Variants in MFSD2B observed in about 807,000 individuals in gnomAD.
MFSD2B encodes MFSD2 lysolipid transporter B, sphingolipid.
MFSD2B carries 56 observed loss-of-function variants against 58.4 expected under a neutral mutation model. That is an observed-to-expected ratio of 0.96 (90% CI 0.77 to 1.20). The LOEUF (loss-of-function observed/expected upper bound fraction) is 1.20, where lower values mean the gene tolerates loss of function less well. Among genes scored for constraint, MFSD2B ranks in the 50% most tolerant of loss-of-function variants. MFSD2B has a pLI of 0.00. For synonymous variants in MFSD2B, 287 were observed against 294.4 expected (o/e 0.97, Z 0.26); for missense variants, 645 against 667.6 (o/e 0.97, Z 0.37).
intron 2 of MFSD2B, among the ~76,000 whole-genome samples, chr2:24,014,743 T>G (rs1421910409): frequency 6.6e-6 from 1 of 152,162 alleles, no homozygotes; most frequent in African/African-American, 2.4e-5. Flanking sequence ...GAGAAAATTC[T>G]AGAAGGATAT....
At position 24,012,891 on chromosome 2, in the gene MFSD2B, A is replaced by C. The variant is rs949428556; in HGVS notation, c.97-394A>C. The C allele has an allele frequency of 3.1e-5, 5 of 161,392 alleles. No homozygotes were observed. Among genetic ancestry groups the C allele is most frequent in the African/African-American group, 1.2e-4 (5 of 41,814 alleles). The allele number at this position is 161,392 out of a possible 1,614,324, so 10.0% of individuals were successfully genotyped here. On this transcript the variant is annotated intron_variant, in intron 1 of 13. Coordinates refer to ENST00000338315, the MANE Select transcript of MFSD2B (RefSeq NM_001346880.2). This position sits in a 1 kb window ranked among gnomAD's most constrained non-coding sequence, Gnocchi z 4.5. Reference sequence around the variant, plus strand: ...GAAGTTGGCAGGGATGTTGCATTTGACAGATGAGGAAAACAGGCTTAGAGA... The same window carrying C: ...GAAGTTGGCAGGGATGTTGCATTTGCCAGATGAGGAAAACAGGCTTAGAGA...
chr2:24,011,169 G>C (rs1708942900), intron 1 of MFSD2B, among the ~76,000 whole-genome samples: 1 of 152,186 alleles, frequency 6.6e-6, no homozygotes, highest in Admixed American at 6.5e-5. Context: ...CCCCTCCCAA[G>C]GGGCTTCTCC....
chr2:24,013,059 C>A (rs1020645254), intron 1 of MFSD2B: 8 of 389,074 alleles, frequency 2.1e-5, no homozygotes, highest in Non-Finnish European at 3.6e-5. Flanking sequence ...GGTAAGATGT[C>A]CAGAAGAACT....
rs1238270510 is a variant in MFSD2B, at chr2:24,023,684, T to A, written c.1271T>A (p.Leu424Gln). The A allele has an allele frequency of 6.2e-7, 1 of 1,613,966 alleles. No homozygotes were observed. The highest frequency in any genetic ancestry group is 1.7e-5 in the Admixed American group (1 of 60,018). Reference sequence around the variant, plus strand: ...TCCTCCTACGTCTTCTTCACCAAGCTGTCTGGCGCATGTGCCCTGGGCATC... The same window carrying A: ...TCCTCCTACGTCTTCTTCACCAAGCAGTCTGGCGCATGTGCCCTGGGCATC... ...FYSSYVFFTK[L>Q]SGACALGIST... The change falls in exon 12 of 14, where the codon CTG (leucine) becomes CAG (glutamine). Residue 424 changes from leucine to glutamine, a missense_variant. By Grantham distance (113) the Leu-to-Gln change is moderately radical (BLOSUM62 -2). Transcript: ENST00000338315. This position sits in a 1 kb window ranked among gnomAD's most constrained non-coding sequence, Gnocchi z 5.0.
rs1050806830 is a variant in MFSD2B at position 24,023,837 on chromosome 2, G to A, written c.1313+111G>A. The A allele has an allele frequency of 1.6e-5, 21 of 1,334,170 alleles. No individual in the cohort carries two copies. The highest frequency in any genetic ancestry group is 6.1e-5 in the Admixed American group (3 of 49,560). 82.6% of individuals were successfully genotyped at this position (1,334,170 alleles called of 1,614,324 possible). The stretch of plus-strand genomic sequence containing the variant: ...GCATCCATGAGCCTGGGGCCTAAGC[G>A]CTACTCTTTGGAGAGTGTGGGGAAC... On this transcript the variant is annotated intron_variant, in intron 12 of 13. Transcript: ENST00000338315. This position sits in a 1 kb window ranked among gnomAD's most constrained non-coding sequence, Gnocchi z 5.0.
In MFSD2B at chr2:24,017,340, G is replaced by A; in HGVS notation, c.526G>A (p.Glu176Lys). ...CATGCTGCTGACTCCCTGCCCAAGG[G>A]AGCGGGACTCGGCCACCGCCTACCG... ...LTMLLTPCPR[E>K]RDSATAYRMT... The change falls in exon 5 of 14, where the codon GAG becomes AAG. Residue 176 changes from glutamate (E) to lysine (K), a missense_variant. Transcript: ENST00000338315. This position sits in a 1 kb window ranked among gnomAD's most constrained non-coding sequence, Gnocchi z 4.8. The A allele has an allele frequency of 1.9e-6, 3 of 1,606,682 alleles. No individual in the cohort carries two copies. Among genetic ancestry groups the A allele is most frequent in the Non-Finnish European group, 1.7e-6 (2 of 1,177,156 alleles).
intron 6 of MFSD2B, among the ~76,000 whole-genome samples, chr2:24,019,686 G>A (rs1032083521): frequency 1.3e-5 from 2 of 152,172 alleles, no homozygotes; most frequent in African/African-American, 4.8e-5. Context: ...TCACGCCATT[G>A]CACTCCAGCC....
intron 6 of MFSD2B, among the ~76,000 whole-genome samples, chr2:24,019,278 C>T (rs2150940652): frequency 6.6e-6 from 1 of 152,294 alleles, no homozygotes; most frequent in African/African-American, 2.4e-5. Flanking sequence ...TCCTCAGGCC[C>T]TACCTCAGTC....
chr2:24,024,443 AC>A lies in MFSD2B; in HGVS notation c.1490+176del. ...TGGATTTTCTTCTCCCACTCTGGCC[AC>A]CCCTTCTCAGTCTTCTTCCTTTGAT... On this transcript the variant is annotated intron_variant, in intron 13 of 13. Coordinates refer to ENST00000338315, the MANE Select transcript of MFSD2B (RefSeq NM_001346880.2). The surrounding 1 kb of genome is among the most constrained non-coding windows in gnomAD (Gnocchi z 4.3). 3 of 665,588 alleles carry A rather than the reference AC, an allele frequency of 4.5e-6. No individual in the cohort carries two copies. The highest frequency in any genetic ancestry group is 7.5e-6 in the Non-Finnish European group (3 of 398,246). 41.2% of individuals were successfully genotyped at this position (665,588 alleles called of 1,614,324 possible).
Position 24,013,499 on chromosome 2 carries a change from C to T in MFSD2B, c.222+89C>T, listed in dbSNP as rs1368670859. The T allele has an allele frequency of 1.9e-5, 25 of 1,336,096 alleles. 1 individual carries two copies. In the East Asian group the frequency reaches 6.3e-4, roughly 34 times the overall value. 82.8% of individuals were successfully genotyped at this position (1,336,096 alleles called of 1,614,324 possible). A position where few individuals can be genotyped will look rare whatever the true frequency, so the allele number is the denominator to read the frequency against. ...CACCTCTGCTTCTGCTCCCACTATC[C>T]TTGTAGACAGCACTTCTGACACGAG... On this transcript the variant is annotated intron_variant, in intron 2 of 13. Coordinates refer to ENST00000338315, the MANE Select transcript of MFSD2B (RefSeq NM_001346880.2).
Position 24,023,978 on chromosome 2 carries a change from C to A in MFSD2B, c.1314-117C>A. 1 of 1,125,382 alleles carries A rather than the reference C, an allele frequency of 8.9e-7. No homozygotes were observed. Among genetic ancestry groups the A allele is most frequent in the Non-Finnish European group, 1.3e-6 (1 of 783,892 alleles). The allele number at this position is 1,125,382 out of a possible 1,614,324, so 69.7% of individuals were successfully genotyped here. ...CTTGACACTCCTCTCCTGATCTGAC[C>A]AGGAAATGAAGTCCACGTTTCAGGA... On this transcript the variant is annotated intron_variant, in intron 12 of 13. Coordinates refer to ENST00000338315, the MANE Select transcript of MFSD2B (RefSeq NM_001346880.2). The surrounding 1 kb of genome is among the most constrained non-coding windows in gnomAD (Gnocchi z 5.0).
At position 24,022,666 on chromosome 2, in the gene MFSD2B, G is replaced by A. The variant is rs1662837558; in HGVS notation, c.978+150G>A. 1 of 853,562 alleles carries A rather than the reference G, an allele frequency of 1.2e-6. No homozygotes were observed. The highest frequency in any genetic ancestry group is 1.8e-6 in the Non-Finnish European group (1 of 554,138). 52.9% of individuals were successfully genotyped at this position (853,562 alleles called of 1,614,324 possible). A position where few individuals can be genotyped will look rare whatever the true frequency, so the allele number is the denominator to read the frequency against. On this transcript the variant is annotated intron_variant, in intron 9 of 13. Coordinates refer to ENST00000338315, the MANE Select transcript of MFSD2B (RefSeq NM_001346880.2). The surrounding 1 kb of genome is among the most constrained non-coding windows in gnomAD (Gnocchi z 4.5). Reference sequence around the variant, plus strand: ...CTTGGTCACCTGCATTCCAGCAGAGGGTAGAATTGGGGCCAGGATTACAAC... The same window carrying A: ...CTTGGTCACCTGCATTCCAGCAGAGAGTAGAATTGGGGCCAGGATTACAAC...
chr2:24,017,311 T>A lies in MFSD2B; in HGVS notation c.497T>A (p.Leu166His). The A allele has an allele frequency of 6.2e-7, 1 of 1,605,362 alleles. No homozygotes were observed. Among genetic ancestry groups the A allele is most frequent in the Non-Finnish European group, 8.5e-7 (1 of 1,176,490 alleles). ...TTCTTCCAGGTGCCCTACACAGCGC[T>A]CACCATGCTGCTGACTCCCTGCCCA... ...ATFFQVPYTALTMLLTPCPRE... is the reference protein window; with the variant it reads ...ATFFQVPYTAHTMLLTPCPRE... The change falls in exon 5 of 14, where the codon CTC becomes CAC. Residue 166 changes from leucine to histidine, a missense_variant. By Grantham distance (99) the Leu-to-His change is moderately conservative. Transcript: ENST00000338315. The surrounding 1 kb of genome is among the most constrained non-coding windows in gnomAD (Gnocchi z 4.8).
chr2:24,025,339 G>C (rs1662943561), intron 13 of MFSD2B, 93 bp from the exon 14 acceptor site: 2 of 1,130,454 alleles, frequency 1.8e-6, no homozygotes. Context: ...GGAAGACAAG[G>C]AGCAGCCACC....
At chr2:24,015,576 T>C (rs186434162) in intron 2 of MFSD2B, among the ~76,000 whole-genome samples, 2 of 152,392 alleles carry the variant, frequency 1.3e-5, no homozygotes, top group Admixed American at 6.5e-5. Flanking sequence ...TATGAAAGGC[T>C]GATCATCCAA....
intron 13 of MFSD2B, 97 bp from the exon 14 acceptor site, chr2:24,025,335 C>T: frequency 1.8e-6 from 2 of 1,093,612 alleles, no homozygotes; most frequent in South Asian, 1.3e-5. Flanking sequence ...GCTGGGAAGA[C>T]AAGGAGCAGC....
At chr2:24,013,758 T>C (rs1709038671) in intron 2 of MFSD2B, among the ~76,000 whole-genome samples, 1 of 43,922 alleles carries the variant, frequency 2.3e-5, no homozygotes, top group Non-Finnish European at 4.1e-5. Context: ...ATGAATTTTT[T>C]TGTTTTTTTT....
At chr2:24,019,869 C>T (rs1309679448) in intron 6 of MFSD2B, among the ~76,000 whole-genome samples, 1 of 152,220 alleles carries the variant, frequency 6.6e-6, no homozygotes, top group Non-Finnish European at 1.5e-5. Context: ...GAGGCCCCCA[C>T]CCTCCGAATC....
chr2:24,023,569 C>T lies in MFSD2B; in HGVS notation c.1170-14C>T. ...CAAGGGGCTAGGAGGGCTAACTCCA[C>T]ACCCCCGCCGCAGGTCCATGCTGCC... On this transcript the variant is annotated splice_polypyrimidine_tract_variant and intron_variant, in intron 11 of 13. Coordinates refer to ENST00000338315, the MANE Select transcript of MFSD2B (RefSeq NM_001346880.2). The surrounding 1 kb of genome is among the most constrained non-coding windows in gnomAD (Gnocchi z 5.0). The T allele has an allele frequency of 6.2e-7, 1 of 1,611,130 alleles. No individual in the cohort carries two copies. Among genetic ancestry groups the T allele is most frequent in the Non-Finnish European group, 8.5e-7 (1 of 1,178,604 alleles).
Sources: gnomAD v4.1 joint callset for allele counts (sites outside exome capture counted in the v4.1 genomes callset) on GRCh38, gnomAD v4.1.1 for gene constraint, Gnocchi (gnomAD v3.1) non-coding constraint, MANE v1.5 for transcripts, NCBI Gene and HGNC (gene_info 2026-07-23, HGNC 2026-07-21) for gene names.